The following PEX7 variants were observed in gnomAD, a reference collection of about 807,000 sequenced individuals.
PEX7 encodes the protein peroxisomal biogenesis factor 7, also known as PTS2 receptor.
Under a neutral mutation model 47.5 loss-of-function variants are expected in PEX7, and 34 were observed. The ratio of observed to expected loss-of-function variants is 0.72; its 90% CI spans 0.54 to 0.95. The LOEUF is 0.95. Among genes scored for constraint, PEX7 ranks in the 40% least tolerant of loss-of-function variants. The probability of loss-of-function intolerance (pLI) is 0.00; values close to 1 mark genes in which losing one functional copy is unlikely to be tolerated. For missense variants in PEX7, 394 were observed against 400.3 expected (o/e 0.98, Z 0.13); for synonymous variants, 141 against 148.8 (o/e 0.95, Z 0.38).
At chr6:136,828,876 A>G (rs1404206898) in intron 3 of PEX7, among the ~76,000 whole-genome samples, 1 of 152,224 alleles carries the variant, frequency 6.6e-6, no homozygotes, top group Non-Finnish European at 1.5e-5. Context: ...TTGAACTGCT[A>G]TTAAACCAGT....
intron 8 of PEX7, among the ~76,000 whole-genome samples, chr6:136,883,960 G>A (rs751446904): frequency 3.1e-4 from 47 of 152,028 alleles, no homozygotes; most frequent in East Asian, 1.4e-3. Flanking sequence ...TTTAACATTC[G>A]TTGTAGCTAC....
intron 8 of PEX7, among the ~76,000 whole-genome samples, chr6:136,893,058 G>T (rs1431057779): frequency 1.3e-5 from 2 of 152,100 alleles, no homozygotes; most frequent in African/African-American, 4.8e-5. Flanking sequence ...AGGTGTATGG[G>T]ACCCCTCTTC....
At chr6:136,832,068 G>T (rs192756246) in intron 3 of PEX7, among the ~76,000 whole-genome samples, 3 of 152,392 alleles carry the variant, frequency 2.0e-5, no homozygotes, top group African/African-American at 7.2e-5. Context: ...CCTAGCAAAG[G>T]TTCTCCATGA....
At chr6:136,858,881 A>T (rs1774908755) in intron 5 of PEX7, among the ~76,000 whole-genome samples, 1 of 152,162 alleles carries the variant, frequency 6.6e-6, no homozygotes, top group African/African-American at 2.4e-5. Flanking sequence ...TTGCTTACGG[A>T]CGAGTGTTTA....
intron 9 of PEX7, among the ~76,000 whole-genome samples, chr6:136,907,813 A>G (rs1009105044): frequency 8.5e-5 from 13 of 152,144 alleles, no homozygotes; most frequent in Non-Finnish European, 1.6e-4. Context: ...AGGGATATAA[A>G]TTCATTTTCT....
chr6:136,887,350 G>C (rs186757186), intron 8 of PEX7, among the ~76,000 whole-genome samples: 197 of 152,060 alleles, frequency 1.3e-3, no homozygotes, highest in African/African-American at 4.4e-3. Flanking sequence ...TCAGTCATAA[G>C]ATGTACTGCT....
At chr6:136,881,991 A>T (rs1200771830) in intron 8 of PEX7, among the ~76,000 whole-genome samples, 1 of 152,170 alleles carries the variant, frequency 6.6e-6, no homozygotes, top group Non-Finnish European at 1.5e-5. Flanking sequence ...ACAGAAAGTT[A>T]AGAAGATATT....
chr6:136,841,801 G>A (rs1243184932), intron 3 of PEX7, among the ~76,000 whole-genome samples: 1 of 151,536 alleles, frequency 6.6e-6, no homozygotes, highest in Non-Finnish European at 1.5e-5. Context: ...TTCCAGGCTG[G>A]TCTCGAACTC....
rs181646607 is a variant in PEX7, at chr6:136,849,172, T to G, written c.526+2991T>G. On this transcript the variant is annotated intron_variant, in intron 5 of 9. Transcript: ENST00000318471. ...TTATAGTATTCTCTGATGGTAGTTTTTATTTCTGTGGGATTGGTGGTGATA... is the reference window on the plus strand; with the variant it reads ...TTATAGTATTCTCTGATGGTAGTTTGTATTTCTGTGGGATTGGTGGTGATA... Among the ~76,000 whole-genome samples the G allele has an allele frequency of 7.0e-3, 1,071 of 152,188 alleles. 10 individuals carry two copies. Among genetic ancestry groups the G allele is most frequent in the African/African-American group, 0.025 (1,024 of 41,544 alleles).
At chr6:136,883,906 G>A (rs2115250509) in intron 8 of PEX7, among the ~76,000 whole-genome samples, 1 of 152,306 alleles carries the variant, frequency 6.6e-6, no homozygotes, top group Middle Eastern at 3.4e-3. Context: ...TTCACAGGCA[G>A]TATATAGAAG....
intron 5 of PEX7, among the ~76,000 whole-genome samples, chr6:136,864,304 A>AT (rs1775018840): frequency 9.7e-6 from 1 of 102,718 alleles, no homozygotes; most frequent in South Asian, 3.3e-4. Flanking sequence ...AATCATGGGT[A>AT]TTTTTTCTCA....
chr6:136,898,023 A>C, intron 8 of PEX7, 119 bp from the exon 9 acceptor site: 1 of 686,568 alleles, frequency 1.5e-6, no homozygotes, highest in Non-Finnish European at 2.6e-6. Flanking sequence ...TTCTGTATTT[A>C]TGAATTGGCT....
chr6:136,847,086 A>T (rs1342689895), intron 5 of PEX7, among the ~76,000 whole-genome samples: 1 of 152,094 alleles, frequency 6.6e-6, no homozygotes, highest in African/African-American at 2.4e-5. Flanking sequence ...ATTTCTCTGA[A>T]GGCCAGTGAT....
intron 8 of PEX7, among the ~76,000 whole-genome samples, chr6:136,891,318 G>C (rs1775549201): frequency 6.6e-6 from 1 of 152,070 alleles, no homozygotes; most frequent in Non-Finnish European, 1.5e-5. Context: ...ATATTGTGAT[G>C]GACTCATTTT....
intron 5 of PEX7, among the ~76,000 whole-genome samples, chr6:136,847,917 T>C (rs1050649936): frequency 6.6e-6 from 1 of 152,216 alleles, no homozygotes; most frequent in African/African-American, 2.4e-5. Flanking sequence ...TGGCATTGAA[T>C]CTATAAATTA....
At chr6:136,854,962 C>T (rs1349254629) in intron 5 of PEX7, among the ~76,000 whole-genome samples, 1 of 152,036 alleles carries the variant, frequency 6.6e-6, no homozygotes, top group Non-Finnish European at 1.5e-5. Context: ...GTGGCACACA[C>T]CTGTAATCCC....
At chr6:136,833,536 T>A (rs1251362541) in intron 3 of PEX7, among the ~76,000 whole-genome samples, 1 of 152,270 alleles carries the variant, frequency 6.6e-6, no homozygotes, top group Non-Finnish European at 1.5e-5. Flanking sequence ...ATCCTGTTTC[T>A]TTTTTAAAAA....
intron 3 of PEX7, among the ~76,000 whole-genome samples, chr6:136,839,930 G>A (rs1582741180): frequency 1.3e-5 from 2 of 152,314 alleles, no homozygotes; most frequent in East Asian, 3.9e-4. Context: ...AATGTATGCA[G>A]TGTTATGGGA....
chr6:136,864,796 C>T (rs1270608046), intron 5 of PEX7, among the ~76,000 whole-genome samples: 1 of 152,122 alleles, frequency 6.6e-6, no homozygotes, highest in Admixed American at 6.6e-5. Flanking sequence ...TCTTAGACAG[C>T]GCTGCATGTT....
Sources: gnomAD v4.1 joint callset for allele counts (sites outside exome capture counted in the v4.1 genomes callset) on GRCh38, gnomAD v4.1.1 for gene constraint, MANE v1.5 for transcripts, NCBI Gene and HGNC (gene_info 2026-07-23, HGNC 2026-07-21) for gene names.